The following KCNIP4 variants were observed in gnomAD, a reference collection of about 807,000 sequenced individuals.
KCNIP4 encodes potassium voltage-gated channel interacting protein 4, also known as Kv channel-interacting protein 4.
A neutral mutation model predicts 34.0 loss-of-function variants in KCNIP4; 12 were observed. The ratio of observed to expected loss-of-function variants is 0.35; its 90% CI spans 0.23 to 0.57. The LOEUF is 0.57. Ranked by LOEUF, KCNIP4 falls within the 20% of genes least tolerant of loss-of-function variation. The pLI is 0.83. For missense variants in KCNIP4, 238 were observed against 311.7 expected (o/e 0.76, Z 1.78); for synonymous variants, 124 against 102.2 (o/e 1.21, Z -1.29).
chr4:21,672,313 G>C (rs1283909039), intron 1 of KCNIP4, among the ~76,000 whole-genome samples: 1 of 152,022 alleles, frequency 6.6e-6, no homozygotes, highest in Admixed American at 6.6e-5. Flanking sequence ...AAAAGATACT[G>C]GTTCTGTAAC....
chr4:20,998,601 G>A (rs529486480), intron 1 of KCNIP4, among the ~76,000 whole-genome samples: 3 of 152,302 alleles, frequency 2.0e-5, no homozygotes, highest in African/African-American at 7.2e-5. Context: ...GTCTACTGAA[G>A]TTGTCTTCAA....
chr4:21,610,284 G>A (rs577910416), intron 1 of KCNIP4, among the ~76,000 whole-genome samples: 1 of 152,326 alleles, frequency 6.6e-6, no homozygotes, highest in Non-Finnish European at 1.5e-5. Flanking sequence ...TGCAGACTAT[G>A]AGGAATGATC....
intron 1 of KCNIP4, among the ~76,000 whole-genome samples, chr4:21,873,921 G>T (rs1366102466): frequency 6.6e-6 from 1 of 152,200 alleles, no homozygotes; most frequent in East Asian, 1.9e-4. Context: ...GAGACCTATT[G>T]TCAGGCTAGC....
At chr4:21,620,438 G>T (rs1744923826) in intron 1 of KCNIP4, among the ~76,000 whole-genome samples, 1 of 152,086 alleles carries the variant, frequency 6.6e-6, no homozygotes, top group Non-Finnish European at 1.5e-5. Context: ...GGAGGCAGAG[G>T]TTGCAGTGAG....
At chr4:21,124,783 C>T (rs1750470274) in intron 1 of KCNIP4, among the ~76,000 whole-genome samples, 1 of 151,986 alleles carries the variant, frequency 6.6e-6, no homozygotes, top group Non-Finnish European at 1.5e-5. Flanking sequence ...GATACCTGAC[C>T]CCAGAATGGA....
At chr4:21,086,539 T>C (rs7680373) in intron 1 of KCNIP4, among the ~76,000 whole-genome samples, 77,600 of 152,018 alleles carry the variant, frequency 0.51, 21,466 homozygotes, top group African/African-American at 0.74. Context: ...CTTACTGTAC[T>C]TTTTCTCATG....
At chr4:21,494,298 T>A (rs566193014) in intron 1 of KCNIP4, among the ~76,000 whole-genome samples, 89 of 152,286 alleles carry the variant, frequency 5.8e-4, no homozygotes, top group African/African-American at 2.0e-3. Flanking sequence ...TTTTTAGATG[T>A]TATAAGGATT....
chr4:21,773,836 T>C (rs1397956054), intron 1 of KCNIP4, among the ~76,000 whole-genome samples: 2 of 151,988 alleles, frequency 1.3e-5, no homozygotes, highest in Non-Finnish European at 2.9e-5. Context: ...TGTGTGTTTC[T>C]GCATGTAAGA....
intron 1 of KCNIP4, among the ~76,000 whole-genome samples, chr4:21,795,175 G>C (rs1373644332): frequency 2.0e-5 from 3 of 152,116 alleles, no homozygotes; most frequent in Non-Finnish European, 4.4e-5. Context: ...CAGTCTGACT[G>C]GTGTCCTTCT....
chr4:21,475,202 T>G (rs974882292), intron 1 of KCNIP4, among the ~76,000 whole-genome samples: 1 of 152,142 alleles, frequency 6.6e-6, no homozygotes, highest in African/African-American at 2.4e-5. Context: ...CAGGAGAATA[T>G]ATATATCTCT....
In KCNIP4 at chr4:21,757,235, G is replaced by GA. The variant is rs1365914160; in HGVS notation, c.61+191335dup. 2.1e-3 allele frequency among the ~76,000 whole-genome samples: 59 copies of GA among 28,438 alleles called. 4 individuals carry two copies. The highest frequency in any genetic ancestry group is 0.015 in the African/African-American group (54 of 3,608). The allele number at this position is 28,438 out of a possible 152,430, so 18.7% of individuals were successfully genotyped here. On this transcript the variant is annotated intron_variant, in intron 1 of 8. Transcript: ENST00000382152. ...AGAAAGAAAGAAAGAAAGAAAGAAA[G>GA]AAAGAAAGAAAGAAAAGAAAAGAAA...
At chr4:21,204,937 A>G (rs993414981) in intron 1 of KCNIP4, among the ~76,000 whole-genome samples, 2 of 152,210 alleles carry the variant, frequency 1.3e-5, no homozygotes, top group African/African-American at 2.4e-5. Context: ...AAGCTCAAGA[A>G]TAACTACAAT....
intron 1 of KCNIP4, among the ~76,000 whole-genome samples, chr4:21,247,330 C>T (rs1019098624): frequency 1.3e-5 from 2 of 151,952 alleles, no homozygotes; most frequent in South Asian, 2.1e-4. Context: ...AGACTAGATA[C>T]TGGGCAAGGT....
intron 1 of KCNIP4, among the ~76,000 whole-genome samples, chr4:21,516,922 G>T (rs968135346): frequency 6.6e-6 from 1 of 152,128 alleles, no homozygotes. Flanking sequence ...ATTAGAGACT[G>T]GTTCCTGATT....
At chr4:21,761,928 C>A (rs1718086607) in intron 1 of KCNIP4, among the ~76,000 whole-genome samples, 2 of 151,928 alleles carry the variant, frequency 1.3e-5, no homozygotes, top group Admixed American at 6.6e-5. Context: ...GGTGGCTATA[C>A]AAATATCATG....
chr4:21,808,879 G>C (rs914873350), intron 1 of KCNIP4, among the ~76,000 whole-genome samples: 1 of 152,144 alleles, frequency 6.6e-6, no homozygotes, highest in African/African-American at 2.4e-5. Context: ...AGCTCTCAAG[G>C]AGAGAGTGGC....
intron 1 of KCNIP4, among the ~76,000 whole-genome samples, chr4:21,210,791 A>C (rs1460831959): frequency 6.6e-6 from 1 of 152,198 alleles, no homozygotes; most frequent in Non-Finnish European, 1.5e-5. Flanking sequence ...ATGAATAATT[A>C]AACTGAATTT....
intron 1 of KCNIP4, among the ~76,000 whole-genome samples, chr4:21,015,895 A>G (rs1739491707): frequency 7.0e-6 from 1 of 142,758 alleles, no homozygotes; most frequent in Non-Finnish European, 1.5e-5. Context: ...TACAATATAT[A>G]CAATATAATA....
At chr4:21,917,203 C>T (rs1205108401) in intron 1 of KCNIP4, among the ~76,000 whole-genome samples, 7 of 151,938 alleles carry the variant, frequency 4.6e-5, no homozygotes, top group Admixed American at 3.3e-4. Flanking sequence ...GGTGTGGTCT[C>T]GGCTCACTGC....
Sources: gnomAD v4.1 joint callset for allele counts (sites outside exome capture counted in the v4.1 genomes callset) on GRCh38, gnomAD v4.1.1 for gene constraint, MANE v1.5 for transcripts, NCBI Gene and HGNC (gene_info 2026-07-23, HGNC 2026-07-21) for gene names.